The following ROBO1 variants were observed in gnomAD, a reference collection of about 807,000 sequenced individuals.
ROBO1 encodes the protein roundabout homolog 1.
A neutral mutation model predicts 195.9 loss-of-function variants in ROBO1; 149 were observed. The ratio of observed to expected loss-of-function variants is 0.76; its 90% CI spans 0.67 to 0.87. The LOEUF (loss-of-function observed/expected upper bound fraction) is 0.87, where lower values mean the gene tolerates loss of function less well. ROBO1 is among the 40% of genes least tolerant of loss of function. ROBO1 has a pLI of 0.00. For missense variants in ROBO1, 1,933 were observed against 2,068.3 expected, an observed-to-expected ratio of 0.93 and a Z score of 1.27; for synonymous variants, 816 against 733.2, an observed-to-expected ratio of 1.11 and a Z score of -1.82.
intron 2 of ROBO1, among the ~76,000 whole-genome samples, chr3:79,174,816 A>G (rs1051397859): frequency 6.6e-6 from 1 of 151,218 alleles, no homozygotes; most frequent in African/African-American, 2.4e-5. Flanking sequence ...AGATTGCGCC[A>G]CTGCACTTCA....
intron 2 of ROBO1, among the ~76,000 whole-genome samples, chr3:79,476,108 A>G (rs1466848917): frequency 6.6e-6 from 1 of 152,170 alleles, no homozygotes; most frequent in African/African-American, 2.4e-5. Flanking sequence ...TAATTCTCCA[A>G]AGAAGATATA....
chr3:78,989,324 A>G (rs2077182675), intron 3 of ROBO1, among the ~76,000 whole-genome samples: 1 of 152,148 alleles, frequency 6.6e-6, no homozygotes, highest in South Asian at 2.1e-4. Context: ...AAAAATAAAA[A>G]AATTTAAGGT....
intron 2 of ROBO1, among the ~76,000 whole-genome samples, chr3:79,202,918 G>A (rs1428465588): frequency 6.6e-6 from 1 of 151,958 alleles, no homozygotes; most frequent in Non-Finnish European, 1.5e-5. Context: ...AATAGGATTC[G>A]CTTTTCTCCT....
rs144936140 is a variant in ROBO1 at position 78,715,832 on chromosome 3, G to A, written c.918-1308C>T. On this transcript the variant is annotated intron_variant, in intron 7 of 30. Transcript: ENST00000464233. ...ATTGCAGGTGTGTGCCACTGGGCCC[G>A]GCCAACAAAATTAATTTTTCTAAAG... 7.8e-3 allele frequency among the ~76,000 whole-genome samples: 1,186 copies of A among 152,182 alleles called. 8 individuals carry two copies. The highest frequency in any genetic ancestry group is 0.027 in the African/African-American group (1,133 of 41,524).
At chr3:79,009,092 C>T (rs568327107) in intron 3 of ROBO1, among the ~76,000 whole-genome samples, 1 of 150,610 alleles carries the variant, frequency 6.6e-6, no homozygotes, top group Non-Finnish European at 1.5e-5. Context: ...AGGTGCCCAC[C>T]ACAACGCCCA....
intron 23 of ROBO1, among the ~76,000 whole-genome samples, chr3:78,635,553 A>G (rs924424477): frequency 6.6e-6 from 1 of 152,158 alleles, no homozygotes; most frequent in Non-Finnish European, 1.5e-5. Flanking sequence ...TCTCAAAACC[A>G]TTTGAAAATA....
chr3:78,975,692 C>G (rs1400861337), intron 3 of ROBO1, among the ~76,000 whole-genome samples: 3 of 152,124 alleles, frequency 2.0e-5, no homozygotes, highest in East Asian at 3.9e-4. Flanking sequence ...AATTTCTAGA[C>G]AGCAAATGAG....
At chr3:78,680,404 A>C (rs1003888481) in intron 10 of ROBO1, among the ~76,000 whole-genome samples, 209 of 152,250 alleles carry the variant, frequency 1.4e-3, no homozygotes, top group Non-Finnish European at 2.1e-3. Context: ...CAACCTACAA[A>C]ATGGGAGAAA....
chr3:79,079,829 A>G (rs1252829915), intron 3 of ROBO1, among the ~76,000 whole-genome samples: 1 of 151,860 alleles, frequency 6.6e-6, no homozygotes. Context: ...ACATTTATAG[A>G]AGCGATAGTC....
intron 3 of ROBO1, among the ~76,000 whole-genome samples, chr3:78,968,806 A>G (rs2107895450): frequency 6.6e-6 from 1 of 152,320 alleles, no homozygotes; most frequent in Non-Finnish European, 1.5e-5. Context: ...CAAATAATAT[A>G]CCAGTAAATT....
At chr3:79,265,741 T>C (rs1432410647) in intron 2 of ROBO1, among the ~76,000 whole-genome samples, 2 of 151,568 alleles carry the variant, frequency 1.3e-5, no homozygotes, top group Admixed American at 6.6e-5. Context: ...TTGTGTACTA[T>C]AGATGTTACT....
At chr3:79,336,221 A>G (rs1330015736) in intron 2 of ROBO1, among the ~76,000 whole-genome samples, 1 of 152,234 alleles carries the variant, frequency 6.6e-6, no homozygotes, top group African/African-American at 2.4e-5. Context: ...TTGAATGTTA[A>G]TCACCAAGAC....
intron 27 of ROBO1, among the ~76,000 whole-genome samples, chr3:78,615,917 T>G (rs1378178112): frequency 6.6e-6 from 1 of 152,180 alleles, no homozygotes; most frequent in Non-Finnish European, 1.5e-5. Context: ...CAGAGGCCAA[T>G]GCATGTTTAG....
chr3:79,438,393 A>C (rs1575825695), intron 2 of ROBO1, among the ~76,000 whole-genome samples: 1 of 152,090 alleles, frequency 6.6e-6, no homozygotes, highest in Non-Finnish European at 1.5e-5. Flanking sequence ...TTTCATGCCC[A>C]AGTGCGCTTT....
chr3:79,254,279 C>G (rs1455196946), intron 2 of ROBO1, among the ~76,000 whole-genome samples: 1 of 152,140 alleles, frequency 6.6e-6, no homozygotes, highest in Non-Finnish European at 1.5e-5. Flanking sequence ...TCCATTTTAG[C>G]TCTACCTGCT....
At chr3:79,619,136 C>T (rs1352775100) in intron 1 of ROBO1, among the ~76,000 whole-genome samples, 1 of 152,132 alleles carries the variant, frequency 6.6e-6, no homozygotes, top group Non-Finnish European at 1.5e-5. Flanking sequence ...CACCCACATT[C>T]CATTGGTGTC....
chr3:78,709,609 A>C (rs2108001774), intron 8 of ROBO1, among the ~76,000 whole-genome samples: 1 of 152,310 alleles, frequency 6.6e-6, no homozygotes, highest in Non-Finnish European at 1.5e-5. Flanking sequence ...ATGTTACACC[A>C]AATGTGGTAC....
chr3:78,990,520 T>A (rs112888456), intron 3 of ROBO1, among the ~76,000 whole-genome samples: 1,869 of 152,284 alleles, frequency 0.012, 42 homozygotes, highest in African/African-American at 0.04. Context: ...GGATTCATAT[T>A]TTCAATATAT....
chr3:78,969,416 T>C (rs1212648377), intron 3 of ROBO1, among the ~76,000 whole-genome samples: 1 of 152,186 alleles, frequency 6.6e-6, no homozygotes, highest in Non-Finnish European at 1.5e-5. Context: ...TTGAATCACA[T>C]ATTAGTTACA....
Sources: gnomAD v4.1 joint callset for allele counts (sites outside exome capture counted in the v4.1 genomes callset) on GRCh38, gnomAD v4.1.1 for gene constraint, MANE v1.5 for transcripts, NCBI Gene and HGNC (gene_info 2026-07-23, HGNC 2026-07-21) for gene names.